Variants in METTL15 observed in about 807,000 individuals in gnomAD.
METTL15 encodes 12S rRNA N(4)-cytidine methyltransferase METTL15.
METTL15 carries 34 observed loss-of-function variants against 38.3 expected under a neutral mutation model. The ratio of observed to expected loss-of-function variants is 0.89; its 90% CI spans 0.68 to 1.18. The LOEUF (loss-of-function observed/expected upper bound fraction) is 1.18. METTL15 is among the 50% of genes most tolerant of loss of function. The probability of loss-of-function intolerance (pLI) is 0.00; values close to 1 mark genes in which losing one functional copy is unlikely to be tolerated. For missense variants in METTL15, 438 were observed against 498.4 expected (o/e 0.88, Z 1.15); for synonymous variants, 162 against 170.9 (o/e 0.95, Z 0.41).
intron 3 of METTL15, among the ~76,000 whole-genome samples, chr11:28,154,369 G>GT (rs772647508): frequency 6.6e-6 from 1 of 151,952 alleles, no homozygotes; most frequent in Non-Finnish European, 1.5e-5. Flanking sequence ...ACAATTTGTA[G>GT]TTTCTTCCTT....
chr11:28,368,875 C>T (rs1173834011), intron 5 of METTL15, among the ~76,000 whole-genome samples: 1 of 151,976 alleles, frequency 6.6e-6, no homozygotes. Context: ...AGCTGGAAAC[C>T]ATCATTCTCA....
chr11:28,434,267 C>A (rs1037174957), intron 6 of METTL15, among the ~76,000 whole-genome samples: 1 of 152,356 alleles, frequency 6.6e-6, no homozygotes, highest in African/African-American at 2.4e-5. Flanking sequence ...TCCCCTTCCA[C>A]CATGACTGTA....
chr11:28,236,500 A>G (rs1049877456), intron 4 of METTL15, among the ~76,000 whole-genome samples: 2 of 152,218 alleles, frequency 1.3e-5, no homozygotes, highest in Non-Finnish European at 2.9e-5. Context: ...TTATTGGTCT[A>G]TTCAGAGATT....
intron 3 of METTL15, among the ~76,000 whole-genome samples, chr11:28,119,903 A>G (rs1295875982): frequency 6.6e-6 from 1 of 152,208 alleles, no homozygotes; most frequent in Non-Finnish European, 1.5e-5. Context: ...TGTTAAAGAG[A>G]AACTTTTCTA....
chr11:28,232,756 C>T (rs1041651598), intron 4 of METTL15, among the ~76,000 whole-genome samples: 24 of 151,818 alleles, frequency 1.6e-4, no homozygotes, highest in African/African-American at 5.1e-4. Context: ...TTTTAGTGGG[C>T]GTGAAAGGGT....
At chr11:28,470,725 G>A (rs899755613) in intron 6 of METTL15, among the ~76,000 whole-genome samples, 3 of 151,980 alleles carry the variant, frequency 2.0e-5, no homozygotes, top group Non-Finnish European at 2.9e-5. Context: ...AAGCACTCCC[G>A]TTTAACTCCA....
intron 4 of METTL15, among the ~76,000 whole-genome samples, chr11:28,232,044 TGAG>T (rs1223409907): frequency 2.6e-5 from 4 of 151,932 alleles, no homozygotes; most frequent in Non-Finnish European, 1.5e-5. Flanking sequence ...TATAATGGGC[TGAG>T]TTCATCTTAA....
At chr11:28,139,336 A>C (rs1014658785) in intron 3 of METTL15, among the ~76,000 whole-genome samples, 13 of 152,098 alleles carry the variant, frequency 8.5e-5, no homozygotes, top group Admixed American at 8.5e-4. Flanking sequence ...CTCAACTAGA[A>C]AGAGGGGAAC....
At chr11:28,498,454 G>A (rs1851554733) in intron 6 of METTL15, among the ~76,000 whole-genome samples, 1 of 152,092 alleles carries the variant, frequency 6.6e-6, no homozygotes, top group African/African-American at 2.4e-5. Context: ...CACCGTGCCT[G>A]GCCTCCAAAT....
intron 3 of METTL15, among the ~76,000 whole-genome samples, chr11:28,164,386 GTATT>G (rs757407334): frequency 9.9e-5 from 15 of 151,928 alleles, no homozygotes; most frequent in Non-Finnish European, 1.8e-4. Flanking sequence ...ACTGTAGAAC[GTATT>G]TATTTAAAAG....
At chr11:28,116,065 C>T (rs1746641508) in intron 3 of METTL15, among the ~76,000 whole-genome samples, 1 of 151,802 alleles carries the variant, frequency 6.6e-6, no homozygotes. Context: ...TAAAGGATTA[C>T]ATAAGATCTT....
chr11:28,119,138 T>G (rs535164573), intron 3 of METTL15, among the ~76,000 whole-genome samples: 155 of 152,302 alleles, frequency 1.0e-3, no homozygotes, highest in African/African-American at 3.6e-3. Context: ...AAGACAGGTA[T>G]CCCAATTATA....
chr11:28,349,072 A>G (rs1850020100), intron 3 of METTL15, among the ~76,000 whole-genome samples: 1 of 152,240 alleles, frequency 6.6e-6, no homozygotes, highest in Non-Finnish European at 1.5e-5. Context: ...TAGGAACCAC[A>G]TACATTTATA....
At chr11:28,207,556 T>TG (rs1350273577) in intron 3 of METTL15, among the ~76,000 whole-genome samples, 2 of 152,152 alleles carry the variant, frequency 1.3e-5, no homozygotes, top group Admixed American at 1.3e-4. Context: ...TCAAGGATAT[T>TG]GGTCTAAAAT....
At chr11:28,309,562 G>A (rs963376200) in intron 6 of METTL15, among the ~76,000 whole-genome samples, 1 of 152,058 alleles carries the variant, frequency 6.6e-6, no homozygotes, top group African/African-American at 2.4e-5. Flanking sequence ...GCAACCCATG[G>A]TCCAGATTTT....
intron 4 of METTL15, among the ~76,000 whole-genome samples, chr11:28,358,335 A>T (rs1354699500): frequency 6.6e-6 from 1 of 152,188 alleles, no homozygotes; most frequent in Non-Finnish European, 1.5e-5. Context: ...TCCTACTGAA[A>T]CTGCAAAGTA....
At chr11:28,362,477 GCCCCAATCCCTTTCT>G (rs890504719) in intron 5 of METTL15, among the ~76,000 whole-genome samples, 1 of 152,130 alleles carries the variant, frequency 6.6e-6, no homozygotes, top group Admixed American at 6.5e-5. Flanking sequence ...TTCAGCTCAT[GCCCCAATCCCTTTCT>G]CCCCAATCTA....
At chr11:28,136,722 TCTCTTGGATG>T (rs1849526634) in intron 3 of METTL15, among the ~76,000 whole-genome samples, 1 of 152,132 alleles carries the variant, frequency 6.6e-6, no homozygotes, top group Non-Finnish European at 1.5e-5. Context: ...TGTTTACCTC[TCTCTTGGATG>T]CTCTAGGGGT....
At chr11:28,111,203 G>A (rs935232510) in intron 2 of METTL15, among the ~76,000 whole-genome samples, 3 of 152,164 alleles carry the variant, frequency 2.0e-5, no homozygotes, top group Admixed American at 2.0e-4. Flanking sequence ...CTTGACCATA[G>A]TTGAATAAAC....
Sources: gnomAD v4.1 joint callset for allele counts (sites outside exome capture counted in the v4.1 genomes callset) on GRCh38, gnomAD v4.1.1 for gene constraint, MANE v1.5 for transcripts, NCBI Gene and HGNC (gene_info 2026-07-23, HGNC 2026-07-21) for gene names.